Variants in WDPCP observed in about 807,000 individuals in gnomAD.
WDPCP encodes the protein WD repeat containing planar cell polarity effector.
Under a neutral mutation model 93.1 loss-of-function variants are expected in WDPCP, and 71 were observed. The ratio of observed to expected loss-of-function variants is 0.76; its 90% confidence interval spans 0.63 to 0.93. WDPCP has a LOEUF of 0.93. Among genes scored for constraint, WDPCP ranks in the 40% least tolerant of loss-of-function variants. WDPCP has a pLI of 0.00. For missense variants in WDPCP, 844 were observed against 887.4 expected, an observed-to-expected ratio of 0.95 and a Z score of 0.62; for synonymous variants, 315 against 315.0, an observed-to-expected ratio of 1.00 and a Z score of 0.00.
At chr2:63,318,175 C>T (rs921226137) in intron 12 of WDPCP, among the ~76,000 whole-genome samples, 2 of 152,280 alleles carry the variant, frequency 1.3e-5, no homozygotes, top group South Asian at 4.2e-4. Flanking sequence ...TCCTCAGCAT[C>T]ACTAATCGTT....
chr2:63,295,243 C>A (rs1684754958), intron 13 of WDPCP, among the ~76,000 whole-genome samples: 1 of 149,450 alleles, frequency 6.7e-6, no homozygotes, highest in East Asian at 2.1e-4. Flanking sequence ...AAATGAGGGA[C>A]AAAAAAAGCT....
chr2:63,491,095 T>G (rs1367267827), intron 2 of WDPCP, among the ~76,000 whole-genome samples: 1 of 152,216 alleles, frequency 6.6e-6, no homozygotes, highest in East Asian at 1.9e-4. Context: ...GAATTTTTTC[T>G]GCAACATATT....
chr2:63,435,806 T>C lies in WDPCP; in HGVS notation c.633+1615A>G, dbSNP rs115872357. On this transcript the variant is annotated intron_variant, in intron 8 of 17. Transcript: ENST00000272321. ...TAAACCAGGAAATGAAATTAATGAG[T>C]TTTCCGAAGGGAAACAGATTACTTC... Among the ~76,000 whole-genome samples the C allele has an allele frequency of 4.2e-3, 644 of 152,140 alleles. 8 individuals are homozygous for C. The highest frequency in any genetic ancestry group is 0.014 in the African/African-American group (602 of 41,518).
chr2:63,630,764 C>T (rs1278340833), intron 3 of WDPCP, among the ~76,000 whole-genome samples: 1 of 152,196 alleles, frequency 6.6e-6, no homozygotes, highest in Non-Finnish European at 1.5e-5. Context: ...CATCAACCAA[C>T]AGAATTCTAC....
chr2:63,710,584 T>C (rs1320944919), intron 2 of WDPCP, among the ~76,000 whole-genome samples: 1 of 152,202 alleles, frequency 6.6e-6, no homozygotes, highest in Admixed American at 6.5e-5. Flanking sequence ...CCAAGAGATC[T>C]CTGTAACTAA....
intron 2 of WDPCP, among the ~76,000 whole-genome samples, chr2:63,490,361 A>C (rs1009881604): frequency 1.3e-5 from 2 of 152,186 alleles, no homozygotes; most frequent in African/African-American, 4.8e-5. Context: ...GTGATAAAGC[A>C]TCAGGCTACA....
At chr2:63,296,483 C>T (rs1465434722) in intron 13 of WDPCP, among the ~76,000 whole-genome samples, 1 of 152,166 alleles carries the variant, frequency 6.6e-6, no homozygotes, top group Admixed American at 6.5e-5. Flanking sequence ...ACGTATCCAA[C>T]TAGGAAAAGA....
At chr2:63,494,783 G>A (rs1042600934) in intron 1 of WDPCP, among the ~76,000 whole-genome samples, 3 of 152,140 alleles carry the variant, frequency 2.0e-5, no homozygotes, top group African/African-American at 7.2e-5. Context: ...AGCCGGGCGT[G>A]GTGGCGGGCG....
At chr2:63,122,148 T>C in intron 17 of WDPCP, 92 bp from the exon 18 acceptor site, 1 of 1,047,642 alleles carries the variant, frequency 9.5e-7, no homozygotes, top group Non-Finnish European at 1.5e-6. Context: ...TACTGAAAAA[T>C]AGTGAAACAA....
chr2:63,373,752 AT>A (rs931349495), intron 12 of WDPCP, among the ~76,000 whole-genome samples: 4 of 151,418 alleles, frequency 2.6e-5, no homozygotes, highest in Admixed American at 6.6e-5. Context: ...TTTGGGGTTA[AT>A]TTTTTTTCTT....
At chr2:63,720,054 T>A (rs1375641459) in intron 2 of WDPCP, among the ~76,000 whole-genome samples, 1 of 152,162 alleles carries the variant, frequency 6.6e-6, no homozygotes, top group Admixed American at 6.5e-5. Context: ...CTGAATCTTT[T>A]ATAATATTTG....
chr2:63,746,905 C>T lies in WDPCP; in HGVS notation n.308+66717G>A, dbSNP rs913624454. 4.6e-5 allele frequency among the ~76,000 whole-genome samples: 7 copies of T among 152,118 alleles called. No homozygotes were observed. The South Asian group carries it at 1.5e-3, about 32-fold the overall frequency. On this transcript the variant is annotated intron_variant and non_coding_transcript_variant, in intron 2 of 4. Coordinates refer to the WDPCP transcript ENST00000467687. The stretch of plus-strand genomic sequence containing the variant: ...CTTGAGGCATGTGATCTCTGTGACC[C>T]ACTCCCTCCCCTTTGAAAATTGCTA...
chr2:63,810,122 A>C (rs1455257509), intron 2 of WDPCP, among the ~76,000 whole-genome samples: 3 of 152,218 alleles, frequency 2.0e-5, no homozygotes, highest in Non-Finnish European at 4.4e-5. Context: ...AGACCTGGTG[A>C]ACTGCAAACA....
At chr2:63,325,664 C>A (rs751619613) in intron 12 of WDPCP, among the ~76,000 whole-genome samples, 2 of 152,224 alleles carry the variant, frequency 1.3e-5, no homozygotes, top group African/African-American at 2.4e-5. Context: ...GCTCTTTTCA[C>A]ATGCCTTTCT....
chr2:63,589,778 AAG>A (rs1297938118), upstream of WDPCP, among the ~76,000 whole-genome samples: 2 of 152,162 alleles, frequency 1.3e-5, no homozygotes, highest in Non-Finnish European at 2.9e-5. Context: ...TCTCTGCTGA[AAG>A]AGAGGGGGAG....
Position 63,383,114 on chromosome 2 carries a change from T to C in WDPCP, c.1436-1020A>G, listed in dbSNP as rs563914110. Among the ~76,000 whole-genome samples, 20 of 152,016 alleles carry C rather than the reference T, an allele frequency of 1.3e-4. 2 individuals carry two copies. In the South Asian group the frequency reaches 2.7e-3, roughly 20 times the overall value. ...CTAACATATAATCATAATAAAATCA[T>C]TGAAAGGTGATAAAGAGAAAATCTT... On this transcript the variant is annotated intron_variant, in intron 10 of 17. Coordinates refer to ENST00000272321, the MANE Select transcript of WDPCP (RefSeq NM_015910.7).
chr2:63,279,704 G>C (rs1683372533), intron 13 of WDPCP, among the ~76,000 whole-genome samples: 1 of 152,222 alleles, frequency 6.6e-6, no homozygotes, highest in African/African-American at 2.4e-5. Context: ...CATATATCTA[G>C]AACACCTTAA....
At chr2:63,632,343 GA>G (rs1350862304) in intron 3 of WDPCP, among the ~76,000 whole-genome samples, 1 of 152,084 alleles carries the variant, frequency 6.6e-6, no homozygotes, top group African/African-American at 2.4e-5. Flanking sequence ...ACCACCAGAG[GA>G]ACACAATAAT....
At chr2:63,521,567 C>T (rs1388703230) in intron 1 of WDPCP, among the ~76,000 whole-genome samples, 1 of 152,154 alleles carries the variant, frequency 6.6e-6, no homozygotes, top group Non-Finnish European at 1.5e-5. Flanking sequence ...GATAAACACA[C>T]AATAATACTG....
Sources: gnomAD v4.1 joint callset for allele counts (sites outside exome capture counted in the v4.1 genomes callset) on GRCh38, gnomAD v4.1.1 for gene constraint, MANE v1.5 for transcripts, NCBI Gene and HGNC (gene_info 2026-07-23, HGNC 2026-07-21) for gene names.